Variants in HYDIN observed in about 807,000 individuals in gnomAD.
The protein encoded by HYDIN is axonemal central pair apparatus protein HYDIN.
In HYDIN, 132 loss-of-function variants were observed where a neutral mutation model predicts 403.9. That is an observed-to-expected ratio of 0.33 (90% CI 0.28 to 0.38). The LOEUF is 0.38. Among genes scored for constraint, HYDIN ranks in the 10% least tolerant of loss-of-function variants. The pLI, the probability that HYDIN is intolerant of heterozygous loss-of-function variation, is 1.00. For missense variants in HYDIN, 2,827 were observed against 5,009.5 expected (o/e 0.56, Z 13.15); for synonymous variants, 1,202 against 1,891.7 (o/e 0.64, Z 9.46).
chr16:71,230,672 C>A lies in HYDIN; in HGVS notation c.-134G>T. The A allele has an allele frequency of 6.5e-7, 1 of 1,536,056 alleles. No individual in the cohort carries two copies. Among genetic ancestry groups the A allele is most frequent in the Non-Finnish European group, 8.7e-7 (1 of 1,146,850 alleles). ...AGGGGCTCCATACCCAGCTTGAAGC[C>A]GCCCGCACTCTCCATGCGCCGCCCG... On this transcript the variant is annotated 5_prime_UTR_variant, in exon 1 of 86. Transcript: ENST00000393567.
At chr16:70,916,845 TTTCC>T (rs993454818) in intron 47 of HYDIN, among the ~76,000 whole-genome samples, 5 of 152,020 alleles carry the variant, frequency 3.3e-5, no homozygotes, top group Non-Finnish European at 2.9e-5. Context: ...TTTCTCTCTT[TTTCC>T]TTCCTTCCTT....
In HYDIN at chr16:71,230,617, G is replaced by A. The variant is rs886587881; in HGVS notation, c.-79C>T. 2 of 1,535,850 alleles carry A rather than the reference G, an allele frequency of 1.3e-6. No individual in the cohort carries two copies. Among genetic ancestry groups the A allele is most frequent in the Non-Finnish European group, 1.7e-6 (2 of 1,146,860 alleles). ...TACCTCCATTCCCCGCCAAGACCCC[G>A]CGTCCAACTCACAGACCCCGCCGCC... On this transcript the variant is annotated 5_prime_UTR_variant, in exon 1 of 86. Coordinates refer to ENST00000393567, the MANE Select transcript of HYDIN (RefSeq NM_001270974.2).
At chr16:71,035,749 G>A (rs531645799) in intron 18 of HYDIN, among the ~76,000 whole-genome samples, 8 of 152,226 alleles carry the variant, frequency 5.3e-5, no homozygotes, top group Non-Finnish European at 1.0e-4. Context: ...TGACAGGTGT[G>A]AGGATGGGCT....
chr16:70,809,490 C>G (rs2035318225), intron 85 of HYDIN, among the ~76,000 whole-genome samples: 1 of 152,182 alleles, frequency 6.6e-6, no homozygotes, highest in Non-Finnish European at 1.5e-5. Context: ...CTAAGCTATA[C>G]TGTCTCCCTC....
At position 70,910,077 on chromosome 16, in the gene HYDIN, T is replaced by A. The variant is rs570865520; in HGVS notation, c.8005-1216A>T. Reference sequence around the variant, plus strand: ...ATTGTGTTTTGTTATGTTTCTTTTTTAATTTTTTATTATTTTTCTATTTTT... The same window carrying A: ...ATTGTGTTTTGTTATGTTTCTTTTTAAATTTTTTATTATTTTTCTATTTTT... On this transcript the variant is annotated intron_variant, in intron 47 of 85. Transcript: ENST00000393567. Among the ~76,000 whole-genome samples, 13 of 152,308 alleles carry A rather than the reference T, an allele frequency of 8.5e-5. No homozygotes were observed. The East Asian group carries it at 1.5e-3, about 18-fold the overall frequency.
At chr16:71,153,369 G>A (rs1327013017) in intron 6 of HYDIN, among the ~76,000 whole-genome samples, 1 of 151,758 alleles carries the variant, frequency 6.6e-6, no homozygotes, top group African/African-American at 2.4e-5. Context: ...GGTGGGAGGG[G>A]TGTAGAGGAA....
intron 1 of HYDIN, among the ~76,000 whole-genome samples, chr16:71,189,375 TTAAAAA>T (rs1418395361): frequency 1.3e-5 from 2 of 152,164 alleles, no homozygotes; most frequent in Non-Finnish European, 1.5e-5. Context: ...AAATCAATTC[TTAAAAA>T]TAAAAAAGAA....
intron 75 of HYDIN, among the ~76,000 whole-genome samples, chr16:70,841,903 A>G (rs2037853320): frequency 6.7e-6 from 1 of 150,118 alleles, no homozygotes; most frequent in South Asian, 2.1e-4. Context: ...AGTCTCAGGT[A>G]TTCTGTTATA....
chr16:71,133,837 G>C (rs1414600428), intron 8 of HYDIN, among the ~76,000 whole-genome samples: 1 of 151,250 alleles, frequency 6.6e-6, no homozygotes, highest in Non-Finnish European at 1.5e-5. Context: ...TTCTCTGCAA[G>C]TCTCAGGAAA....
At chr16:71,142,395 G>A (rs1467385174) in intron 7 of HYDIN, among the ~76,000 whole-genome samples, 1 of 43,974 alleles carries the variant, frequency 2.3e-5, no homozygotes, top group Non-Finnish European at 3.5e-5. Context: ...GCAACCTAGG[G>A]GTCAGAGAGA....
chr16:71,189,407 C>T (rs1010425823), intron 1 of HYDIN, among the ~76,000 whole-genome samples: 1 of 152,082 alleles, frequency 6.6e-6, no homozygotes, highest in Non-Finnish European at 1.5e-5. Flanking sequence ...AACAAATGAA[C>T]CTTGCTGTAC....
At chr16:70,847,767 A>AT (rs1436922701) in intron 75 of HYDIN, among the ~76,000 whole-genome samples, 1 of 151,844 alleles carries the variant, frequency 6.6e-6, no homozygotes, top group Admixed American at 6.6e-5. Context: ...CTAGGTGTGG[A>AT]TTTTTTTGAG....
intron 18 of HYDIN, among the ~76,000 whole-genome samples, chr16:71,039,903 A>AG (rs1477573927): frequency 6.6e-6 from 1 of 152,172 alleles, no homozygotes; most frequent in African/African-American, 2.4e-5. Flanking sequence ...CCATGCGACA[A>AG]GGCAAAGGGC....
At chr16:70,831,329 G>A (rs1363561637) in intron 80 of HYDIN, among the ~76,000 whole-genome samples, 1 of 151,018 alleles carries the variant, frequency 6.6e-6, no homozygotes, top group East Asian at 2.0e-4. Context: ...GGCCAACATG[G>A]CAAAACCCTG....
intron 45 of HYDIN, among the ~76,000 whole-genome samples, chr16:70,923,569 G>A (rs758343249): frequency 7.9e-6 from 1 of 126,522 alleles, no homozygotes; most frequent in Non-Finnish European, 1.6e-5. Flanking sequence ...TTGGGAGGCC[G>A]AGGTGGGCGG....
intron 45 of HYDIN, among the ~76,000 whole-genome samples, chr16:70,933,203 C>T (rs555867460): frequency 6.0e-4 from 91 of 152,118 alleles, no homozygotes; most frequent in Non-Finnish European, 1.0e-3. Context: ...TAGTCTGGGA[C>T]GGGCTTGAGA....
At chr16:71,217,236 G>C (rs912958602) in intron 1 of HYDIN, among the ~76,000 whole-genome samples, 6 of 152,116 alleles carry the variant, frequency 3.9e-5, no homozygotes, top group African/African-American at 1.4e-4. Context: ...ATTTTGAACT[G>C]ACTTATGCAC....
intron 13 of HYDIN, among the ~76,000 whole-genome samples, chr16:71,078,946 T>C (rs1210508284): frequency 2.0e-5 from 3 of 152,216 alleles, no homozygotes; most frequent in Non-Finnish European, 4.4e-5. Context: ...GAGGCTGTAT[T>C]TCCTAGCCTT....
chr16:71,027,720 C>A lies in HYDIN; in HGVS notation c.2924G>T (p.Gly975Val). Residue 975 changes from glycine to valine, a missense_variant, in exon 20 of 86, where the codon GGC (glycine) becomes GTC (valine). Gly to Val is a moderately radical substitution (Grantham distance 109). Coordinates refer to ENST00000393567, the MANE Select transcript of HYDIN (RefSeq NM_001270974.2). ...CTGTGGATCCCTGGGCTCCTGAGAGCCACTGGGCTGGGGTTGGACATGAGC... is the reference window on the plus strand; with the variant it reads ...CTGTGGATCCCTGGGCTCCTGAGAGACACTGGGCTGGGGTTGGACATGAGC... ...GHAHVQPQPS[G>V]SQEPRDPQSP... 6.5e-7 allele frequency: 1 copy of A among 1,540,220 alleles called. No homozygotes were observed.
Sources: gnomAD v4.1 joint callset for allele counts (sites outside exome capture counted in the v4.1 genomes callset) on GRCh38, gnomAD v4.1.1 for gene constraint, MANE v1.5 for transcripts, NCBI Gene and HGNC (gene_info 2026-07-23, HGNC 2026-07-21) for gene names.